Variants in KAT6A observed in about 807,000 individuals in gnomAD.
The protein encoded by KAT6A is histone acetyltransferase KAT6A.
KAT6A carries 9 observed loss-of-function variants against 198.4 expected under a neutral mutation model. The observed-to-expected ratio is 0.05, with a 90% confidence interval of 0.03 to 0.08. The LOEUF is 0.08. KAT6A is among the 10% of genes least tolerant of loss of function. The pLI is 1.00. For synonymous variants in KAT6A, 890 were observed against 883.0 expected, an observed-to-expected ratio of 1.01 and a Z score of -0.14; for missense variants, 2,077 against 2,509.9, an observed-to-expected ratio of 0.83 and a Z score of 3.69.
intron 2 of KAT6A, among the ~76,000 whole-genome samples, chr8:41,992,534 T>C (rs144996910): frequency 1.3e-5 from 2 of 152,290 alleles, no homozygotes; most frequent in East Asian, 3.9e-4. Flanking sequence ...TACACCATCT[T>C]TTATAAAACA....
Position 41,997,454 on chromosome 8 carries a change from C to T in KAT6A, c.601-9891G>A, listed in dbSNP as rs184283617. On this transcript the variant is annotated intron_variant, in intron 2 of 16. Coordinates refer to ENST00000265713, the MANE Select transcript of KAT6A (RefSeq NM_006766.5). ...TACTAATAACAATTATATTTGGCTACTGAATTTAAATGTTAGCCATTTTAT... is the reference window on the plus strand; with the variant it reads ...TACTAATAACAATTATATTTGGCTATTGAATTTAAATGTTAGCCATTTTAT... Among the ~76,000 whole-genome samples the T allele has an allele frequency of 1.4e-4, 22 of 152,242 alleles. No individual in the cohort carries two copies. In the East Asian group the frequency reaches 4.2e-3, roughly 29 times the overall value.
In KAT6A at chr8:41,930,680, ATATGTG is replaced by A. The variant is rs1186930403; in HGVS notation, c.*1519_*1524del. ...CTAATGATGGAATATATATATATAT[ATATGTG>A]TGTGTGTGTGTGTGTGTGTGTGTGT... On this transcript the variant is annotated 3_prime_UTR_variant, in exon 17 of 17. Transcript: ENST00000265713. 1.5e-5 allele frequency: 2 copies of A among 132,930 alleles called. No homozygotes were observed. Among genetic ancestry groups the A allele is most frequent in the East Asian group, 1.4e-4 (1 of 7,100 alleles). 8.2% of individuals were successfully genotyped at this position (132,930 alleles called of 1,614,324 possible). A position where few individuals can be genotyped will look rare whatever the true frequency, so the allele number is the denominator to read the frequency against.
At chr8:41,966,029 C>T (rs1429122730) in intron 8 of KAT6A, among the ~76,000 whole-genome samples, 1 of 152,170 alleles carries the variant, frequency 6.6e-6, no homozygotes, top group Non-Finnish European at 1.5e-5. Context: ...CTAGAAAAGG[C>T]TAGCACAGTT....
At chr8:41,944,775 T>C (rs1284314951) in intron 12 of KAT6A, among the ~76,000 whole-genome samples, 3 of 152,234 alleles carry the variant, frequency 2.0e-5, no homozygotes, top group Non-Finnish European at 4.4e-5. Flanking sequence ...CTTTGCAATT[T>C]AATGGCATAT....
intron 8 of KAT6A, among the ~76,000 whole-genome samples, chr8:41,963,860 T>C (rs1258268868): frequency 2.0e-5 from 3 of 152,236 alleles, no homozygotes; most frequent in African/African-American, 7.2e-5. Context: ...CATCTCTTGT[T>C]TGAACTCCAA....
chr8:41,932,150 T>TAAA lies in KAT6A; in HGVS notation c.*52_*54dup. 1.4e-6 allele frequency: 2 copies of TAAA among 1,411,462 alleles called. No homozygotes were observed. The highest frequency in any genetic ancestry group is 1.9e-6 in the Non-Finnish European group (2 of 1,073,996). The allele number at this position is 1,411,462 out of a possible 1,614,324, so 87.4% of individuals were successfully genotyped here. On this transcript the variant is annotated 3_prime_UTR_variant, in exon 17 of 17. Coordinates refer to ENST00000265713, the MANE Select transcript of KAT6A (RefSeq NM_006766.5). ...TCCATTTTTCTCTGGTTTGTCAGTA[T>TAAA]AAAAGGTTCCTTTATTTATATATAT... is the stretch of plus-strand genomic sequence containing the variant.
intron 11 of KAT6A, among the ~76,000 whole-genome samples, chr8:41,947,464 CTG>C (rs1368698443): frequency 6.6e-6 from 1 of 152,186 alleles, no homozygotes; most frequent in African/African-American, 2.4e-5. Flanking sequence ...GAGCTAATGA[CTG>C]TTTATTTCAG....
Position 41,974,830 on chromosome 8 carries a change from TA to T in KAT6A, c.1364-9del, listed in dbSNP as rs1823969398. 40 of 1,568,964 alleles carry T rather than the reference TA, an allele frequency of 2.5e-5. No homozygotes were observed. The highest frequency in any genetic ancestry group is 3.3e-5 in the Non-Finnish European group (38 of 1,145,470). ...CCCAGCCATCCTGATTGTCTACATATAAAAAAAGAGCTCACATGTTAACTGT... is the reference window on the plus strand; with the variant it reads ...CCCAGCCATCCTGATTGTCTACATATAAAAAAGAGCTCACATGTTAACTGT... On this transcript the variant is annotated splice_polypyrimidine_tract_variant and intron_variant, in intron 7 of 16. Coordinates refer to ENST00000265713, the MANE Select transcript of KAT6A (RefSeq NM_006766.5).
In KAT6A at chr8:42,016,056, G is replaced by A. The variant is rs140919839; in HGVS notation, c.601-28493C>T. 3.4e-3 allele frequency among the ~76,000 whole-genome samples: 514 copies of A among 152,298 alleles called. 6 individuals carry two copies. The highest frequency in any genetic ancestry group is 0.012 in the African/African-American group (491 of 41,544). On this transcript the variant is annotated intron_variant, in intron 2 of 16. Transcript: ENST00000265713. ...GACATCAGAGCCCCAGAAACTGCACGTTAACAGCAGTGCTTCCCAAACAGG... is the reference window on the plus strand; with the variant it reads ...GACATCAGAGCCCCAGAAACTGCACATTAACAGCAGTGCTTCCCAAACAGG...
intron 2 of KAT6A, among the ~76,000 whole-genome samples, chr8:42,007,016 AT>A (rs1317226804): frequency 4.6e-5 from 7 of 151,212 alleles, no homozygotes; most frequent in Non-Finnish European, 8.8e-5. Flanking sequence ...AAAAAAAAAA[AT>A]CAGTCAACTT....
intron 2 of KAT6A, among the ~76,000 whole-genome samples, chr8:42,039,803 G>A (rs576534112): frequency 5.9e-5 from 9 of 151,648 alleles, no homozygotes; most frequent in African/African-American, 1.2e-4. Context: ...GCGCAATCTC[G>A]GCTCACTGCA....
rs1367052381 is a variant in KAT6A, at chr8:41,987,463, C to T, written c.701G>A (p.Gly234Asp). ...AGAAGGAAATCACATACCACTGTTG[C>T]CACAGTCGGCACAGGAGATGAGTTC... ...PEELISCADC[G>D]NSGHPSCLKF... is the part of the protein sequence containing the mutation. Residue 234 changes from glycine to aspartate, a missense_variant, in exon 3 of 17, where the codon GGC (glycine) becomes GAC (aspartate). By Grantham distance (94) the Gly-to-Asp change is moderately conservative. Around this residue, in one of 13 missense-constraint regions of KAT6A, gnomAD observed 89 missense variants for 154.4 expected, o/e 0.58. Coordinates refer to ENST00000265713, the MANE Select transcript of KAT6A (RefSeq NM_006766.5). 1 of 1,597,400 alleles carries T rather than the reference C, an allele frequency of 6.3e-7. No homozygotes were observed.
intron 2 of KAT6A, among the ~76,000 whole-genome samples, chr8:41,995,157 T>C (rs1825135147): frequency 1.3e-5 from 2 of 152,056 alleles, no homozygotes; most frequent in Non-Finnish European, 2.9e-5. Flanking sequence ...TAGAACTAGA[T>C]ATAATAAGAG....
chr8:41,942,423 G>C (rs1420752285), intron 14 of KAT6A: 1 of 297,364 alleles, frequency 3.4e-6, no homozygotes, highest in African/African-American at 2.1e-5. Context: ...TGAGATTACA[G>C]GCATGAAACA....
At chr8:42,029,873 C>A (rs1356913382) in intron 2 of KAT6A, among the ~76,000 whole-genome samples, 1 of 152,050 alleles carries the variant, frequency 6.6e-6, no homozygotes, top group Non-Finnish European at 1.5e-5. Flanking sequence ...TTTCTGATTT[C>A]TTTACATTGT....
At chr8:41,962,998 T>G (rs1823287390) in intron 8 of KAT6A, among the ~76,000 whole-genome samples, 2 of 152,146 alleles carry the variant, frequency 1.3e-5, no homozygotes. Context: ...TAATACTGCA[T>G]ACATTAATCC....
At chr8:41,948,227 G>T (rs992815061) in intron 10 of KAT6A, among the ~76,000 whole-genome samples, 1 of 152,220 alleles carries the variant, frequency 6.6e-6, no homozygotes, top group Non-Finnish European at 1.5e-5. Flanking sequence ...CCTTTAGATA[G>T]CAAGTTTCGT....
At chr8:42,018,813 C>T (rs1469036919) in intron 2 of KAT6A, among the ~76,000 whole-genome samples, 1 of 151,808 alleles carries the variant, frequency 6.6e-6, no homozygotes, top group African/African-American at 2.4e-5. Context: ...CCCAGCTACT[C>T]GGGAGGCTGA....
rs1297725245 is a variant in KAT6A at position 41,931,386 on chromosome 8, A to ATT, written c.*818_*819insAA. On this transcript the variant is annotated 3_prime_UTR_variant, in exon 17 of 17. Coordinates refer to ENST00000265713, the MANE Select transcript of KAT6A (RefSeq NM_006766.5). ...TCCAAAGGCTGGATTTGGATTGCAA[A>ATT]CAGCTTTTCTCTGAGATTCTGCTGT... 3 of 213,806 alleles carry ATT rather than the reference A, an allele frequency of 1.4e-5. No individual in the cohort carries two copies. Among genetic ancestry groups the ATT allele is most frequent in the African/African-American group, 6.8e-5 (3 of 44,150 alleles). 13.2% of individuals were successfully genotyped at this position (213,806 alleles called of 1,614,324 possible). A position where few individuals can be genotyped will look rare whatever the true frequency, so the allele number is the denominator to read the frequency against.
Sources: gnomAD v4.1 joint callset for allele counts (sites outside exome capture counted in the v4.1 genomes callset) on GRCh38, gnomAD v4.1.1 for gene constraint, gnomAD v4.1.1 regional missense constraint, MANE v1.5 for transcripts, NCBI Gene and HGNC (gene_info 2026-07-23, HGNC 2026-07-21) for gene names.